Variants in LTBP4 observed in about 807,000 individuals in gnomAD.
LTBP4 encodes the protein latent-transforming growth factor beta-binding protein 4.
A neutral mutation model predicts 180.2 loss-of-function variants in LTBP4; 93 were observed. That is an observed-to-expected ratio of 0.52 (90% CI 0.44 to 0.61). The LOEUF (loss-of-function observed/expected upper bound fraction) is 0.61. Ranked by LOEUF, LTBP4 falls within the 20% of genes least tolerant of loss-of-function variation. LTBP4 has a pLI of 0.00. For synonymous variants in LTBP4, 947 were observed against 934.5 expected (o/e 1.01, Z -0.24); for missense variants, 2,116 against 2,256.5 (o/e 0.94, Z 1.26).
intron 6 of LTBP4, 129 bp downstream of exon 6, chr19:40,606,655 C>A: frequency 8.8e-7 from 1 of 1,135,566 alleles, no homozygotes. Flanking sequence ...GCCTTAGAGC[C>A]CCCTCAGAAC....
At position 40,613,949 on chromosome 19, in the gene LTBP4, A is replaced by G; in HGVS notation, c.2591A>G (p.Gln864Arg). Residue 864 changes from glutamine to arginine, a missense_variant, in exon 18 of 30, where the codon CAG becomes CGG. Transcript: ENST00000396819. The surrounding 1 kb of genome is among the most constrained non-coding windows in gnomAD (Gnocchi z 5.0). ...VDECSEEDLCQSGICTNTDGS... is the reference protein window; with the variant it reads ...VDECSEEDLCRSGICTNTDGS... ...GAGTGCAGCGAGGAGGACCTTTGCC[A>G]GAGCGGCATCTGTACCAACACCGAC... 5 of 1,613,592 alleles carry G rather than the reference A, an allele frequency of 3.1e-6. No homozygotes were observed. Among genetic ancestry groups the G allele is most frequent in the Non-Finnish European group, 4.2e-6 (5 of 1,179,784 alleles).
At chr19:40,614,083 C>T in intron 18 of LTBP4, 45 bp downstream of exon 18, 1 of 1,603,314 alleles carries the variant, frequency 6.2e-7, no homozygotes, top group Non-Finnish European at 8.5e-7. Flanking sequence ...CTTCGACTCC[C>T]CGACTCGCCG....
chr19:40,615,756 CAAA>C (rs57019847), intron 19 of LTBP4, among the ~76,000 whole-genome samples: 1 of 149,540 alleles, frequency 6.7e-6, no homozygotes, highest in Non-Finnish European at 1.5e-5. Flanking sequence ...GAGATTGTCT[CAAA>C]AAAAAAATTT....
rs141724981 is a variant in LTBP4 at position 40,617,399 on chromosome 19, T to G, written c.3070+174T>G. On this transcript the variant is annotated intron_variant, in intron 21 of 29. Coordinates refer to ENST00000396819, the MANE Select transcript of LTBP4 (RefSeq NM_001042545.2). ...TGGCTCACGCCTGTAATCCCAGTACTTTGGGAGGCCGAGGCGGGCAGATCA... is the reference window on the plus strand; with the variant it reads ...TGGCTCACGCCTGTAATCCCAGTACGTTGGGAGGCCGAGGCGGGCAGATCA... 0.034 allele frequency among the ~76,000 whole-genome samples: 5,232 copies of G among 152,266 alleles called. 142 individuals carry two copies. Among genetic ancestry groups the G allele is most frequent in the Non-Finnish European group, 0.056 (3,786 of 68,012 alleles).
chr19:40,610,950 G>A (rs1000863672), intron 12 of LTBP4: 1 of 746,134 alleles, frequency 1.3e-6, no homozygotes, highest in South Asian at 1.9e-5. Flanking sequence ...GGGAGAAGGA[G>A]GCCTTCTCAT....
intron 18 of LTBP4, 121 bp downstream of exon 18, chr19:40,614,159 C>T: frequency 1.4e-6 from 2 of 1,453,716 alleles, no homozygotes; most frequent in Non-Finnish European, 1.9e-6. Flanking sequence ...TCCCCCGCCT[C>T]CTCTCCTAGC....
At chr19:40,610,061 C>G (rs935593287) in intron 11 of LTBP4, 190 bp downstream of exon 11, 12 of 743,256 alleles carry the variant, frequency 1.6e-5, no homozygotes, top group Admixed American at 9.9e-5. Flanking sequence ...GACCCCACCC[C>G]TACCCAGCTC....
chr19:40,627,637 C>G, intron 28 of LTBP4, 68 bp from the exon 29 acceptor site: 1 of 1,514,010 alleles, frequency 6.6e-7, no homozygotes, highest in Non-Finnish European at 8.9e-7. Flanking sequence ...CAAGGACGCG[C>G]ACCCACCGTT....
chr19:40,613,962 TACCAAC>T lies in LTBP4; in HGVS notation c.2608_2613del (p.Asn870_Thr871del). 1 of 1,613,186 alleles carries T rather than the reference TACCAAC, an allele frequency of 6.2e-7. No individual in the cohort carries two copies. The highest frequency in any genetic ancestry group is 8.5e-7 in the Non-Finnish European group (1 of 1,179,646). On this transcript the variant is annotated inframe_deletion, in exon 18 of 30. Transcript: ENST00000396819. The surrounding 1 kb of genome is among the most constrained non-coding windows in gnomAD (Gnocchi z 5.0). ...AGGACCTTTGCCAGAGCGGCATCTG[TACCAAC>T]ACCGACGGCTCCTTCGAGTGCATCT... is the stretch of plus-strand genomic sequence containing the variant.
At chr19:40,627,391 G>C in intron 28 of LTBP4, 36 bp downstream of exon 28, 3 of 1,465,064 alleles carry the variant, frequency 2.0e-6, no homozygotes, top group South Asian at 1.4e-5. Context: ...ACTGAGATGA[G>C]GGGTGAGGTG....
intron 22 of LTBP4, among the ~76,000 whole-genome samples, chr19:40,620,592 A>G (rs1428483494): frequency 2.0e-5 from 3 of 151,952 alleles, no homozygotes; most frequent in African/African-American, 7.3e-5. Flanking sequence ...CATGGCCAAC[A>G]TGGCAAAACC....
At chr19:40,604,278 G>A (rs1211088512) in intron 1 of LTBP4, among the ~76,000 whole-genome samples, 1 of 152,068 alleles carries the variant, frequency 6.6e-6, no homozygotes, top group African/African-American at 2.4e-5. Context: ...AGGGGGCACA[G>A]CCAGGGGGCG....
chr19:40,627,670 G>C (rs1351716624), intron 28 of LTBP4, 35 bp from the exon 29 acceptor site: 1 of 1,561,554 alleles, frequency 6.4e-7, no homozygotes, highest in Non-Finnish European at 8.7e-7. Context: ...TGAAGGCAGG[G>C]ACCTCAAGTC....
rs1340240017 is a variant in LTBP4 at position 40,609,794 on chromosome 19, G to A, written c.1607G>A (p.Cys536Tyr). The A allele has an allele frequency of 3.1e-6, 5 of 1,611,276 alleles. No individual in the cohort carries two copies. The highest frequency in any genetic ancestry group is 4.2e-6 in the Non-Finnish European group (5 of 1,178,744). Residue 536 changes from cysteine to tyrosine, a missense_variant, in exon 11 of 30, where the codon TGC becomes TAC. Cys to Tyr is a radical substitution (Grantham distance 194, BLOSUM62 -2). Transcript: ENST00000396819. This position sits in a 1 kb window ranked among gnomAD's most constrained non-coding sequence, Gnocchi z 4.9. ...CCCCCGCCCTGTGCTCCCGGGCGCT[G>A]CGAGAACTCACCAGGCAGCTTCCGC... The part of the protein sequence containing the change: ...RVPPPCAPGR[C>Y]ENSPGSFRCV...
Position 40,611,893 on chromosome 19 carries a change from C to T in LTBP4, c.2088C>T (p.Cys696=). The change falls in exon 14 of 30, where the codon TGC becomes TGT. Residue 696 remains cysteine, a synonymous_variant. Coordinates refer to ENST00000396819, the MANE Select transcript of LTBP4 (RefSeq NM_001042545.2). This position sits in a 1 kb window ranked among gnomAD's most constrained non-coding sequence, Gnocchi z 4.4. ...AGTGTGCCCGAAGCCCCCCACCCTG[C>T]ACCTACGGCCGGTGTGAGAACACAG... The part of the protein sequence containing the change: ...VDECARSPPP[C]TYGRCENTEG... 6.2e-7 allele frequency: 1 copy of T among 1,608,640 alleles called. No individual in the cohort carries two copies. The highest frequency in any genetic ancestry group is 8.5e-7 in the Non-Finnish European group (1 of 1,177,804).
chr19:40,599,946 G>A, upstream of LTBP4: 1 of 472,340 alleles, frequency 2.1e-6, no homozygotes, highest in Non-Finnish European at 3.7e-6. Flanking sequence ...CCATAAATAG[G>A]TGTTGTGGGG....
chr19:40,627,536 C>G (rs1222426660), intron 28 of LTBP4, among the ~76,000 whole-genome samples, 169 bp from the exon 29 acceptor site: 1 of 152,168 alleles, frequency 6.6e-6, no homozygotes, highest in African/African-American at 2.4e-5. Context: ...AGAGGGAAAG[C>G]TGGCGAGAGA....
chr19:40,618,369 C>T (rs1453060978), intron 21 of LTBP4, among the ~76,000 whole-genome samples: 2 of 151,628 alleles, frequency 1.3e-5, no homozygotes, highest in Non-Finnish European at 2.9e-5. Flanking sequence ...AAGCAATTCT[C>T]CTGCCTCAGC....
chr19:40,617,029 C>A lies in LTBP4; in HGVS notation c.2944+9C>A, dbSNP rs763174151. The A allele has an allele frequency of 2.5e-6, 4 of 1,612,776 alleles. No homozygotes were observed. The highest frequency in any genetic ancestry group is 3.4e-6 in the Non-Finnish European group (4 of 1,178,922). On this transcript the variant is annotated intron_variant, in intron 20 of 29. Coordinates refer to ENST00000396819, the MANE Select transcript of LTBP4 (RefSeq NM_001042545.2). ...AGGGGGCGGATGCCAGGGTGGGTGT[C>A]CATCAGGCATCGGGTGAGATGTGGA...
Sources: allele counts gnomAD v4.1 joint callset (sites outside exome capture counted in the v4.1 genomes callset), GRCh38; gene constraint gnomAD v4.1.1; non-coding constraint Gnocchi (gnomAD v3.1); transcripts MANE v1.5; gene names NCBI Gene and HGNC (gene_info 2026-07-23, HGNC 2026-07-21).